ATP2A2: variants seen among roughly 807,000 people sequenced by gnomAD.
ATP2A2 encodes the protein sarcoplasmic/endoplasmic reticulum calcium ATPase 2.
Under a neutral mutation model 109.3 loss-of-function variants are expected in ATP2A2, and 14 were observed. The ratio of observed to expected loss-of-function variants is 0.13; its 90% CI spans 0.08 to 0.20. The LOEUF (loss-of-function observed/expected upper bound fraction) is 0.20. Ranked by LOEUF, ATP2A2 falls within the 10% of genes least tolerant of loss-of-function variation. The pLI, the probability that ATP2A2 is intolerant of heterozygous loss-of-function variation, is 1.00. For missense variants in ATP2A2, 657 were observed against 1,321.6 expected (o/e 0.50, Z 7.80); for synonymous variants, 506 against 490.9 (o/e 1.03, Z -0.41).
intron 18 of ATP2A2, 150 bp from the exon 19 acceptor site, chr12:110,345,851 A>T (rs764022692): frequency 1.3e-6 from 1 of 790,332 alleles, no homozygotes; most frequent in Non-Finnish European, 2.2e-6. Flanking sequence ...ATTCTCTTCA[A>T]CTTTGCCACT....
intron 6 of ATP2A2, chr12:110,326,030 A>C (rs1458158922): frequency 1.0e-5 from 3 of 298,318 alleles, no homozygotes; most frequent in Non-Finnish European, 2.0e-5. Flanking sequence ...AGTATTTATT[A>C]AAGTATACAA....
intron 11 of ATP2A2, among the ~76,000 whole-genome samples, chr12:110,334,585 CCTT>C (rs1257840237): frequency 5.1e-5 from 7 of 137,342 alleles, no homozygotes; most frequent in Non-Finnish European, 1.1e-4. Flanking sequence ...TTCAATTAAA[CCTT>C]TTTTTTTTTT....
chr12:110,319,104 G>A (rs1876967998), intron 5 of ATP2A2, among the ~76,000 whole-genome samples: 1 of 151,790 alleles, frequency 6.6e-6, no homozygotes, highest in Non-Finnish European at 1.5e-5. Context: ...AGTTACTTGG[G>A]AGGCTGAGGT....
intron 8 of ATP2A2, 89 bp from the exon 9 acceptor site, chr12:110,332,508 C>A: frequency 1.8e-6 from 2 of 1,128,822 alleles, no homozygotes; most frequent in Non-Finnish European, 2.7e-6. Flanking sequence ...AGGTTGTTTG[C>A]CTTTGTCCTA....
intron 3 of ATP2A2, among the ~76,000 whole-genome samples, chr12:110,283,241 G>T (rs559553382): frequency 5.4e-4 from 83 of 152,346 alleles, no homozygotes; most frequent in Non-Finnish European, 3.7e-4. Flanking sequence ...GGTGACAGTT[G>T]TTCCTGACGG....
chr12:110,288,220 C>T (rs1872867196), intron 3 of ATP2A2, among the ~76,000 whole-genome samples: 2 of 147,514 alleles, frequency 1.4e-5, no homozygotes, highest in South Asian at 2.1e-4. Context: ...AAGCAATCTT[C>T]CCGAGTAGTC....
rs1592864797 is a variant in ATP2A2 at position 110,343,253 on chromosome 12, T to G, written c.2340T>G (p.Leu780=). 1.9e-6 allele frequency: 3 copies of G among 1,614,198 alleles called. No individual in the cohort carries two copies. The highest frequency in any genetic ancestry group is 1.3e-5 in the African/African-American group (1 of 75,048). The part of the protein sequence containing the change: ...EVVCIFLTAA[L]GFPEALIPVQ... ...ACAGTATTTTCCTGACAGCAGCCCT[T>G]GGATTTCCCGAGGCTTTGATTCCTG... is the stretch of plus-strand genomic sequence containing the variant. The change falls in exon 16 of 20, where the codon CTT becomes CTG. Residue 780 remains leucine (L), a synonymous_variant. Transcript: ENST00000539276.
intron 8 of ATP2A2, chr12:110,330,472 T>G (rs1414691134): frequency 1.3e-5 from 2 of 152,234 alleles, no homozygotes; most frequent in Admixed American, 6.5e-5. Context: ...TCATACTGGT[T>G]GTTTCAGGAA....
intron 5 of ATP2A2, among the ~76,000 whole-genome samples, chr12:110,310,382 T>TC (rs1418596395): frequency 6.6e-6 from 1 of 152,182 alleles, no homozygotes; most frequent in Non-Finnish European, 1.5e-5. Flanking sequence ...TCCCTTGGCC[T>TC]CCCAAAGTGC....
intron 5 of ATP2A2, among the ~76,000 whole-genome samples, chr12:110,307,694 T>G (rs1875520409): frequency 1.3e-5 from 2 of 152,158 alleles, no homozygotes; most frequent in Non-Finnish European, 2.9e-5. Context: ...AACAGTGATT[T>G]TGTGTGTGTG....
rs565169106 is a variant in ATP2A2, at chr12:110,289,060, A to G, written c.220-2960A>G. On this transcript the variant is annotated intron_variant, in intron 3 of 19. Coordinates refer to ENST00000539276, the MANE Select transcript of ATP2A2 (RefSeq NM_170665.4). ...ATTTTGGGCTGTAGTATTTTAAAGT[A>G]GAGGTTTGCTCTGATGGTCCCATCA... Among the ~76,000 whole-genome samples the G allele has an allele frequency of 2.0e-5, 3 of 152,346 alleles. No individual in the cohort carries two copies. In the South Asian group the frequency reaches 6.2e-4, roughly 32 times the overall value.
At chr12:110,314,838 G>A (rs1032640604) in intron 5 of ATP2A2, among the ~76,000 whole-genome samples, 8 of 151,686 alleles carry the variant, frequency 5.3e-5, no homozygotes, top group Non-Finnish European at 8.8e-5. Context: ...TGTACATAAA[G>A]AGATGTCCAG....
At chr12:110,292,269 A>T in intron 4 of ATP2A2, 145 bp downstream of exon 4, 1 of 718,644 alleles carries the variant, frequency 1.4e-6, no homozygotes, top group Non-Finnish European at 2.4e-6. Flanking sequence ...CCTTTATTCC[A>T]TAAATTAATT....
At chr12:110,344,374 G>A (rs1879642811) in intron 16 of ATP2A2, among the ~76,000 whole-genome samples, 1 of 152,200 alleles carries the variant, frequency 6.6e-6, no homozygotes, top group South Asian at 2.1e-4. Flanking sequence ...AGAAGCTGCT[G>A]AGGGCAGGGC....
At chr12:110,325,553 G>A (rs923836578) in intron 6 of ATP2A2, among the ~76,000 whole-genome samples, 5 of 152,054 alleles carry the variant, frequency 3.3e-5, no homozygotes, top group South Asian at 2.1e-4. Flanking sequence ...AAAATTGCCC[G>A]GGAGGCAGAG....
At position 110,346,486 on chromosome 12, in the gene ATP2A2, AAAG is replaced by A. The variant is rs759399678; in HGVS notation, c.*21_*23del. 13 of 1,614,136 alleles carry A rather than the reference AAAG, an allele frequency of 8.1e-6. No homozygotes were observed. Among genetic ancestry groups the A allele is most frequent in the African/African-American group, 2.7e-5 (2 of 75,066 alleles). On this transcript the variant is annotated 3_prime_UTR_variant, in exon 20 of 20. Transcript: ENST00000539276. ...CTGGTCTTGACTGACAGTTTTCCAT[AAAG>A]AAGATGTTTAACTTAATCAATTAAT...
At chr12:110,343,727 A>G (rs1879578302) in intron 16 of ATP2A2, among the ~76,000 whole-genome samples, 1 of 152,230 alleles carries the variant, frequency 6.6e-6, no homozygotes, top group African/African-American at 2.4e-5. Context: ...GATTCACGCT[A>G]GGTTCTGCCT....
rs774865183 is a variant in ATP2A2, at chr12:110,345,346, T to C, written c.2705T>C (p.Val902Ala). ...TACCCGATGACAATGGCGCTCTCTG[T>C]TCTAGTAACTATAGAAATGTGTAAC... is the stretch of plus-strand genomic sequence containing the variant. ...SPYPMTMALSVLVTIEMCNAL... is the reference protein window; with the variant it reads ...SPYPMTMALSALVTIEMCNAL... The change falls in exon 18 of 20, where the codon GTT becomes GCT. Residue 902 changes from valine to alanine, a missense_variant. By Grantham distance (64) the Val-to-Ala change is moderately conservative. This residue lies in a region of ATP2A2 where 125 missense variants were observed against 243.5 expected (regional missense o/e 0.51). Transcript: ENST00000539276. The C allele has an allele frequency of 5.6e-6, 9 of 1,614,094 alleles. No homozygotes were observed. The African/African-American group carries it at 1.2e-4, about 22-fold the overall frequency.
intron 3 of ATP2A2, among the ~76,000 whole-genome samples, chr12:110,290,136 A>G (rs1873107187): frequency 1.3e-5 from 2 of 152,208 alleles, no homozygotes; most frequent in South Asian, 4.1e-4. Context: ...GGATCTCCCA[A>G]CAGCTTTGCG....
Sources: allele counts gnomAD v4.1 joint callset (sites outside exome capture counted in the v4.1 genomes callset), GRCh38; gene constraint gnomAD v4.1.1; regional missense constraint gnomAD v4.1.1; transcripts MANE v1.5; gene names NCBI Gene and HGNC (gene_info 2026-07-23, HGNC 2026-07-21).